The following EYS variants were observed in gnomAD, a reference collection of about 807,000 sequenced individuals.
EYS encodes EGF-like photoreceptor maintenance factor, also known as protein eyes shut homolog.
A neutral mutation model predicts 282.1 loss-of-function variants in EYS; 250 were observed. The ratio of observed to expected loss-of-function variants is 0.89; its 90% CI spans 0.80 to 0.98. EYS has a LOEUF of 0.98. Ranked by LOEUF, EYS falls within the 50% of genes least tolerant of loss-of-function variation. EYS has a pLI of 0.00. For missense variants in EYS, 4,016 were observed against 3,709.0 expected, an observed-to-expected ratio of 1.08 and a Z score of -2.15; for synonymous variants, 1,355 against 1,282.9, an observed-to-expected ratio of 1.06 and a Z score of -1.20.
At chr6:64,507,698 T>C (rs184729476) in intron 26 of EYS, among the ~76,000 whole-genome samples, 5 of 152,116 alleles carry the variant, frequency 3.3e-5, no homozygotes, top group Admixed American at 1.3e-4. Flanking sequence ...GAAAAACAAA[T>C]ATTTGGAAAC....
intron 35 of EYS, among the ~76,000 whole-genome samples, chr6:63,918,729 C>T (rs1764489779): frequency 6.6e-6 from 1 of 152,086 alleles, no homozygotes; most frequent in South Asian, 2.1e-4. Context: ...TCATTTCCGT[C>T]GAAACAAGTA....
intron 29 of EYS, among the ~76,000 whole-genome samples, chr6:64,370,700 T>C (rs896450664): frequency 4.2e-4 from 64 of 152,122 alleles, no homozygotes; most frequent in African/African-American, 1.4e-3. Context: ...ATTTTGGAAC[T>C]TGTTATTGGT....
At chr6:63,796,033 G>A (rs1288186516) in intron 37 of EYS, among the ~76,000 whole-genome samples, 1 of 152,258 alleles carries the variant, frequency 6.6e-6, no homozygotes, top group African/African-American at 2.4e-5. Flanking sequence ...AGTGGTTCAA[G>A]CCATGGATTC....
chr6:64,675,332 G>T (rs1031012472), intron 22 of EYS, among the ~76,000 whole-genome samples: 2 of 151,646 alleles, frequency 1.3e-5, no homozygotes, highest in Admixed American at 1.3e-4. Context: ...CTTAATAAAT[G>T]CAATAGCAAA....
intron 24 of EYS, among the ~76,000 whole-genome samples, chr6:64,610,667 G>T (rs1241871156): frequency 1.3e-5 from 2 of 152,086 alleles, no homozygotes; most frequent in African/African-American, 2.4e-5. Flanking sequence ...GCTCCCCAAA[G>T]TGCTGGGGTT....
At chr6:64,359,835 T>C (rs1771947484) in intron 29 of EYS, among the ~76,000 whole-genome samples, 1 of 151,620 alleles carries the variant, frequency 6.6e-6, no homozygotes, top group South Asian at 2.1e-4. Context: ...CCAAATACAG[T>C]CACATTGGGG....
At chr6:64,236,784 T>A (rs1766619336) in intron 30 of EYS, among the ~76,000 whole-genome samples, 1 of 151,024 alleles carries the variant, frequency 6.6e-6, no homozygotes. Flanking sequence ...TTATCTTTTA[T>A]TTTTATATAT....
intron 27 of EYS, among the ~76,000 whole-genome samples, chr6:64,438,804 A>G (rs1419932291): frequency 1.3e-5 from 2 of 151,674 alleles, no homozygotes; most frequent in African/African-American, 4.8e-5. Context: ...CTTCTGAATG[A>G]TATTCTAATT....
chr6:65,338,260 T>C (rs895724813), intron 10 of EYS, among the ~76,000 whole-genome samples: 2 of 151,214 alleles, frequency 1.3e-5, no homozygotes, highest in African/African-American at 4.8e-5. Context: ...TCTACTAGAA[T>C]TTTGGTTTTC....
At chr6:64,361,688 G>A (rs551839743) in intron 29 of EYS, among the ~76,000 whole-genome samples, 2 of 151,746 alleles carry the variant, frequency 1.3e-5, no homozygotes, top group East Asian at 3.9e-4. Flanking sequence ...TTTAACAATT[G>A]CATTTTTTTT....
chr6:65,419,222 C>T (rs1767360443), intron 5 of EYS, among the ~76,000 whole-genome samples: 2 of 151,878 alleles, frequency 1.3e-5, no homozygotes, highest in South Asian at 2.1e-4. Flanking sequence ...ATAAAGCAAT[C>T]AGTCCTTTAG....
intron 5 of EYS, among the ~76,000 whole-genome samples, chr6:65,465,187 G>C (rs1764957612): frequency 6.6e-6 from 1 of 152,146 alleles, no homozygotes; most frequent in Admixed American, 6.5e-5. Flanking sequence ...GCAGAAACCA[G>C]TTGTGGTGCT....
chr6:65,520,797 T>C (rs915645830), intron 2 of EYS, among the ~76,000 whole-genome samples: 1 of 152,096 alleles, frequency 6.6e-6, no homozygotes, highest in African/African-American at 2.4e-5. Context: ...GCAATGCTTC[T>C]TCTATCTTCT....
intron 12 of EYS, among the ~76,000 whole-genome samples, chr6:65,224,357 T>C (rs1252750003): frequency 6.6e-6 from 1 of 152,076 alleles, no homozygotes; most frequent in Non-Finnish European, 1.5e-5. Context: ...AAAAAATATG[T>C]TGAGACAAAT....
At chr6:64,242,589 C>T (rs971530302) in intron 30 of EYS, among the ~76,000 whole-genome samples, 1 of 151,858 alleles carries the variant, frequency 6.6e-6, no homozygotes, top group Admixed American at 6.6e-5. Context: ...TTACTCTCAG[C>T]CCCAATTTTT....
chr6:63,888,974 A>T (rs1417403688), intron 35 of EYS, among the ~76,000 whole-genome samples: 1 of 152,212 alleles, frequency 6.6e-6, no homozygotes, highest in Admixed American at 6.5e-5. Flanking sequence ...AAAACATAGC[A>T]CGTAAACTTC....
chr6:64,724,751 A>G (rs1771695557), intron 22 of EYS, among the ~76,000 whole-genome samples: 1 of 152,196 alleles, frequency 6.6e-6, no homozygotes, highest in African/African-American at 2.4e-5. Context: ...CCATTTAATA[A>G]AGGTTAAAAA....
At chr6:65,417,460 G>C (rs995414803) in intron 5 of EYS, among the ~76,000 whole-genome samples, 1 of 151,914 alleles carries the variant, frequency 6.6e-6, no homozygotes, top group Non-Finnish European at 1.5e-5. Context: ...AAATTACTAG[G>C]ATTGAGCACA....
chr6:65,118,240 A>G (rs1370888015), intron 12 of EYS, among the ~76,000 whole-genome samples: 1 of 152,184 alleles, frequency 6.6e-6, no homozygotes, highest in Non-Finnish European at 1.5e-5. Context: ...GAAGAATTGT[A>G]TGAAATGATG....
Sources: allele counts gnomAD v4.1 joint callset (sites outside exome capture counted in the v4.1 genomes callset), GRCh38; gene constraint gnomAD v4.1.1; transcripts MANE v1.5; gene names NCBI Gene and HGNC (gene_info 2026-07-23, HGNC 2026-07-21).